Variants in SCAPER observed in about 807,000 individuals in gnomAD.
SCAPER encodes S phase cyclin A-associated protein in the endoplasmic reticulum.
SCAPER carries 98 observed loss-of-function variants against 182.2 expected under a neutral mutation model. The ratio of observed to expected loss-of-function variants is 0.54; its 90% CI spans 0.46 to 0.64. The LOEUF (loss-of-function observed/expected upper bound fraction) is 0.64. SCAPER is among the 30% of genes least tolerant of loss of function. The pLI is 0.00. For missense variants in SCAPER, 1,432 were observed against 1,690.0 expected (o/e 0.85, Z 2.68); for synonymous variants, 605 against 564.6 (o/e 1.07, Z -1.01).
intron 23 of SCAPER, among the ~76,000 whole-genome samples, chr15:76,523,613 G>A (rs1479254653): frequency 6.6e-6 from 1 of 152,024 alleles, no homozygotes; most frequent in Admixed American, 6.6e-5. Flanking sequence ...CAAATACTGA[G>A]GTGGGTCTGC....
intron 17 of SCAPER, among the ~76,000 whole-genome samples, chr15:76,715,179 A>C (rs965314218): frequency 4.0e-5 from 6 of 150,592 alleles, no homozygotes; most frequent in Non-Finnish European, 8.9e-5. Flanking sequence ...CAGACCACAT[A>C]CACCCCCGCC....
chr15:76,448,899 T>TA (rs1310930299), intron 25 of SCAPER, among the ~76,000 whole-genome samples: 1 of 152,166 alleles, frequency 6.6e-6, no homozygotes, highest in Non-Finnish European at 1.5e-5. Context: ...GAAAGGGTGA[T>TA]AAGTATTACC....
chr15:76,497,785 G>C (rs986402591), intron 24 of SCAPER, among the ~76,000 whole-genome samples: 1 of 151,830 alleles, frequency 6.6e-6, no homozygotes, highest in Admixed American at 6.6e-5. Context: ...GAGGTCACGA[G>C]ATCGAGACCA....
At chr15:76,877,771 A>T (rs1366249242) in intron 2 of SCAPER, among the ~76,000 whole-genome samples, 1 of 152,232 alleles carries the variant, frequency 6.6e-6, no homozygotes, top group Admixed American at 6.5e-5. Context: ...GTTCCAGATT[A>T]AAGGAGACCA....
rs182055785 is a variant in SCAPER, at chr15:76,845,484, T to A, written c.196-3553A>T. On this transcript the variant is annotated intron_variant, in intron 4 of 31. Coordinates refer to ENST00000563290, the MANE Select transcript of SCAPER (RefSeq NM_020843.4). ...AAAACCTAAAGACTCCACCAAAAAC[T>A]ATTAGAACTGATAAACAAATTCAGT... Among the ~76,000 whole-genome samples, 3 of 152,012 alleles carry A rather than the reference T, an allele frequency of 2.0e-5. No homozygotes were observed. In the East Asian group the frequency reaches 5.8e-4, roughly 29 times the overall value.
intron 23 of SCAPER, among the ~76,000 whole-genome samples, chr15:76,558,591 T>A (rs2046360571): frequency 6.6e-6 from 1 of 152,222 alleles, no homozygotes; most frequent in African/African-American, 2.4e-5. Flanking sequence ...GTAAGTTAGT[T>A]CAGCCACTGT....
chr15:76,764,724 A>G (rs1308702822), intron 14 of SCAPER, among the ~76,000 whole-genome samples: 1 of 152,240 alleles, frequency 6.6e-6, no homozygotes, highest in Non-Finnish European at 1.5e-5. Context: ...GAAAACGGCA[A>G]AAGTAGAGCT....
chr15:76,651,384 C>T (rs544598768), intron 21 of SCAPER, among the ~76,000 whole-genome samples: 1 of 152,192 alleles, frequency 6.6e-6, no homozygotes, highest in South Asian at 2.1e-4. Flanking sequence ...CTTCCTAACT[C>T]AATGCAAGCA....
At chr15:76,415,382 A>G (rs2045576797) in intron 26 of SCAPER, among the ~76,000 whole-genome samples, 1 of 152,080 alleles carries the variant, frequency 6.6e-6, no homozygotes, top group Non-Finnish European at 1.5e-5. Context: ...CCCTTGAGAA[A>G]CTCTGTACAA....
chr15:76,386,904 A>G (rs2043329186), intron 27 of SCAPER, among the ~76,000 whole-genome samples: 3 of 152,240 alleles, frequency 2.0e-5, no homozygotes, highest in Admixed American at 2.0e-4. Context: ...TTTTGAGCAC[A>G]GAAGTGATAT....
At position 76,689,773 on chromosome 15, in the gene SCAPER, C is replaced by A. The variant is rs79893993; in HGVS notation, c.2508+11985G>T. Among the ~76,000 whole-genome samples, 31 of 150,920 alleles carry A rather than the reference C, an allele frequency of 2.1e-4. No individual in the cohort carries two copies. The East Asian group carries it at 4.7e-3, about 23-fold the overall frequency. On this transcript the variant is annotated intron_variant, in intron 20 of 31. Transcript: ENST00000563290. The stretch of plus-strand genomic sequence containing the variant: ...GAATACCAGAGAAGGCTGCTGCTTA[C>A]AAGATTATAAAATGCCAGTAAAGAG...
intron 21 of SCAPER, among the ~76,000 whole-genome samples, chr15:76,649,999 T>C (rs2054886442): frequency 6.6e-6 from 1 of 152,104 alleles, no homozygotes; most frequent in African/African-American, 2.4e-5. Context: ...AAAATTAAAA[T>C]GCAGGATTTG....
chr15:76,542,353 T>C (rs565850866), intron 23 of SCAPER, among the ~76,000 whole-genome samples: 7 of 151,882 alleles, frequency 4.6e-5, no homozygotes, highest in East Asian at 1.9e-4. Flanking sequence ...TGAAGCCCCA[T>C]GTCTACTAAA....
At chr15:76,373,998 T>C in intron 29 of SCAPER, among the ~76,000 whole-genome samples, 1 of 151,804 alleles carries the variant, frequency 6.6e-6, no homozygotes, top group East Asian at 1.9e-4. Context: ...AACCATCTCT[T>C]TTATTCCTGC....
At chr15:76,520,526 T>C (rs1350307029) in intron 23 of SCAPER, among the ~76,000 whole-genome samples, 1 of 152,122 alleles carries the variant, frequency 6.6e-6, no homozygotes, top group African/African-American at 2.4e-5. Context: ...CCTATAGCTG[T>C]CTTATCACTG....
chr15:76,886,508 AC>A (rs1391768017), intron 1 of SCAPER, among the ~76,000 whole-genome samples: 2 of 152,324 alleles, frequency 1.3e-5, no homozygotes, highest in East Asian at 1.9e-4. Context: ...ATTTAAAAAA[AC>A]ATATGCTGGC....
intron 29 of SCAPER, among the ~76,000 whole-genome samples, chr15:76,362,232 C>A (rs968403788): frequency 1.1e-4 from 17 of 151,998 alleles, no homozygotes; most frequent in African/African-American, 4.1e-4. Context: ...CTCGGCCTCC[C>A]AAAGTGCTGA....
intron 8 of SCAPER, among the ~76,000 whole-genome samples, chr15:76,779,083 T>C (rs1240163841): frequency 6.6e-6 from 1 of 151,850 alleles, no homozygotes; most frequent in East Asian, 1.9e-4. Context: ...AATGTACAAA[T>C]ACCAAACAAA....
rs1037325198 is a variant in SCAPER, at chr15:76,505,122, T to C, written c.2839-148A>G. 16 of 654,688 alleles carry C rather than the reference T, an allele frequency of 2.4e-5. No homozygotes were observed. The African/African-American group carries it at 3.0e-4, about 12-fold the overall frequency. 40.6% of individuals were successfully genotyped at this position (654,688 alleles called of 1,614,324 possible). On this transcript the variant is annotated intron_variant, in intron 23 of 31. Coordinates refer to ENST00000563290, the MANE Select transcript of SCAPER (RefSeq NM_020843.4). ...TTTGCTGAATGCTACTCACTGCTAA[T>C]TGTTTCAGTACTAGGAAATATAGGT...
Sources: gnomAD v4.1 joint callset for allele counts (sites outside exome capture counted in the v4.1 genomes callset) on GRCh38, gnomAD v4.1.1 for gene constraint, MANE v1.5 for transcripts, NCBI Gene and HGNC (gene_info 2026-07-23, HGNC 2026-07-21) for gene names.